Variants in ERBIN observed in about 807,000 individuals in gnomAD.
The protein encoded by ERBIN is erbb2 interacting protein.
Under a neutral mutation model 158.4 loss-of-function variants are expected in ERBIN, and 60 were observed. The ratio of observed to expected loss-of-function variants is 0.38; its 90% CI spans 0.31 to 0.47. The LOEUF is 0.47. ERBIN is among the 20% of genes least tolerant of loss of function. The probability of loss-of-function intolerance (pLI) is 0.99; values close to 1 mark genes in which losing one functional copy is unlikely to be tolerated. For missense variants in ERBIN, 1,610 were observed against 1,648.0 expected, an observed-to-expected ratio of 0.98 and a Z score of 0.40; for synonymous variants, 594 against 557.2, an observed-to-expected ratio of 1.07 and a Z score of -0.93.
chr5:65,965,148 AT>A (rs1304505481), intron 1 of ERBIN, among the ~76,000 whole-genome samples: 1 of 151,654 alleles, frequency 6.6e-6, no homozygotes, highest in Non-Finnish European at 1.5e-5. Context: ...AAACTTTCTA[AT>A]GAATTCTCAT....
chr5:66,036,275 ATTCTT>A (rs1213983023), intron 14 of ERBIN, among the ~76,000 whole-genome samples: 1 of 152,072 alleles, frequency 6.6e-6, no homozygotes, highest in African/African-American at 2.4e-5. Context: ...GATTTGAGTG[ATTCTT>A]TAATCTGATC....
chr5:66,076,494 T>A (rs888305392), intron 24 of ERBIN, 86 bp downstream of exon 24: 2 of 1,047,842 alleles, frequency 1.9e-6, no homozygotes, highest in Admixed American at 2.1e-5. Context: ...ATCTAATAGA[T>A]GTTTATGTAA....
Position 66,021,878 on chromosome 5 carries a change from C to G in ERBIN, c.597+493C>G, listed in dbSNP as rs778989883. Among the ~76,000 whole-genome samples, 3 of 151,788 alleles carry G rather than the reference C, an allele frequency of 2.0e-5. No homozygotes were observed. In the South Asian group the frequency reaches 6.2e-4, roughly 32 times the overall value. ...TTGTTTGTGCTTTGTATGCCAAGTG[C>G]GCTATGAAGCTGACTCTAAAAGGAA... On this transcript the variant is annotated intron_variant, in intron 8 of 25. Transcript: ENST00000284037.
rs773486348 is a variant in ERBIN at position 66,046,430 on chromosome 5, G to A, written c.1680G>A (p.Lys560=). 6 of 1,612,278 alleles carry A rather than the reference G, an allele frequency of 3.7e-6. No homozygotes were observed. The East Asian group carries it at 1.3e-4, about 36-fold the overall frequency. ...EKYMIGNSVQ[K]ISEPEAEISP... ...ATATGATAGGAAACTCTGTACAGAA[G>A]ATCAGTGAACCTGAAGCTGAGATTA... Residue 560 remains lysine, a synonymous_variant, in exon 18 of 26, where the codon AAG becomes AAA. Transcript: ENST00000284037.
At chr5:65,957,942 G>A (rs1199225842) in intron 1 of ERBIN, among the ~76,000 whole-genome samples, 1 of 151,616 alleles carries the variant, frequency 6.6e-6, no homozygotes, top group Non-Finnish European at 1.5e-5. Context: ...TTCTCAGATG[G>A]GGCGGCTGCT....
chr5:66,075,008 T>G lies in ERBIN; in HGVS notation c.3757-16T>G. ...ATTATTATTGGTCATTTTAAGATAC[T>G]TCATGTTTTTCTTAGATGCCTTTGA... On this transcript the variant is annotated splice_polypyrimidine_tract_variant and intron_variant, in intron 22 of 25. Transcript: ENST00000284037. 6.2e-7 allele frequency: 1 copy of G among 1,611,352 alleles called. No individual in the cohort carries two copies. The highest frequency in any genetic ancestry group is 8.5e-7 in the Non-Finnish European group (1 of 1,177,458).
At chr5:65,950,263 C>T (rs535105838) in intron 1 of ERBIN, among the ~76,000 whole-genome samples, 174 of 152,290 alleles carry the variant, frequency 1.1e-3, no homozygotes, top group Non-Finnish European at 1.8e-3. Context: ...CCTTGTCCTC[C>T]CAAAGTGCTG....
chr5:65,991,471 T>C (rs1016087300), intron 2 of ERBIN, among the ~76,000 whole-genome samples: 33 of 152,342 alleles, frequency 2.2e-4, no homozygotes, highest in Non-Finnish European at 3.4e-4. Flanking sequence ...TTGATAACAC[T>C]AATTATCATT....
chr5:66,018,990 G>T (rs374289415), intron 7 of ERBIN, among the ~76,000 whole-genome samples: 3 of 152,178 alleles, frequency 2.0e-5, no homozygotes. Flanking sequence ...TGATTTTTCA[G>T]ATTGTTTGCT....
intron 1 of ERBIN, among the ~76,000 whole-genome samples, chr5:65,985,931 CT>C (rs955193294): frequency 2.6e-4 from 38 of 147,984 alleles, no homozygotes; most frequent in African/African-American, 3.2e-4. Context: ...CTCCTTGAAA[CT>C]TTTTTTTTTT....
intron 1 of ERBIN, among the ~76,000 whole-genome samples, chr5:65,979,729 C>T (rs1750438173): frequency 6.6e-6 from 1 of 152,126 alleles, no homozygotes; most frequent in Admixed American, 6.5e-5. Flanking sequence ...GCCTTAATAG[C>T]AGTTCTATGA....
chr5:66,077,428 A>C (rs954657420), intron 25 of ERBIN, among the ~76,000 whole-genome samples: 1 of 151,960 alleles, frequency 6.6e-6, no homozygotes, highest in African/African-American at 2.4e-5. Flanking sequence ...TTCTACCCCT[A>C]CTGTCACCGT....
At chr5:65,998,836 G>A (rs902686190) in intron 4 of ERBIN, among the ~76,000 whole-genome samples, 8 of 149,544 alleles carry the variant, frequency 5.3e-5, no homozygotes, top group East Asian at 2.0e-4. Context: ...TCAAGGCTGC[G>A]GTAAGCCGTG....
At chr5:66,007,707 A>C (rs914005998) in intron 4 of ERBIN, among the ~76,000 whole-genome samples, 1 of 152,234 alleles carries the variant, frequency 6.6e-6, no homozygotes, top group African/African-American at 2.4e-5. Flanking sequence ...TCTCATGAAA[A>C]AGGACTGTGC....
At chr5:66,006,181 A>T (rs1244701356) in intron 4 of ERBIN, among the ~76,000 whole-genome samples, 1 of 152,198 alleles carries the variant, frequency 6.6e-6, no homozygotes, top group African/African-American at 2.4e-5. Context: ...CATAGTACTG[A>T]TACCAAAACA....
At chr5:66,016,601 T>TA (rs746686904) in intron 7 of ERBIN, among the ~76,000 whole-genome samples, 3 of 148,652 alleles carry the variant, frequency 2.0e-5, no homozygotes, top group Non-Finnish European at 3.0e-5. Flanking sequence ...ATTCTACTCT[T>TA]ATCTTCATGA....
At chr5:66,011,245 G>A (rs1580341964) in intron 4 of ERBIN, among the ~76,000 whole-genome samples, 1 of 152,292 alleles carries the variant, frequency 6.6e-6, no homozygotes, top group East Asian at 1.9e-4. Flanking sequence ...AAGAGAAAAT[G>A]TTTCATTATC....
chr5:65,998,095 C>T (rs966378247), intron 4 of ERBIN, among the ~76,000 whole-genome samples: 1 of 151,820 alleles, frequency 6.6e-6, no homozygotes, highest in African/African-American at 2.4e-5. Flanking sequence ...GGCGTGGTGG[C>T]ACGTGCCTGT....
At chr5:65,939,128 T>C (rs1056363571) in intron 1 of ERBIN, among the ~76,000 whole-genome samples, 2 of 152,106 alleles carry the variant, frequency 1.3e-5, no homozygotes, top group Non-Finnish European at 2.9e-5. Context: ...GAAAATAATT[T>C]GAGAAGAAAA....
Sources: gnomAD v4.1 joint callset for allele counts (sites outside exome capture counted in the v4.1 genomes callset) on GRCh38, gnomAD v4.1.1 for gene constraint, MANE v1.5 for transcripts, NCBI Gene and HGNC (gene_info 2026-07-23, HGNC 2026-07-21) for gene names.